ABCA9: variants seen among roughly 807,000 people sequenced by gnomAD.
ABCA9 encodes ATP binding cassette subfamily A member 9.
In ABCA9, 183 loss-of-function variants were observed where a neutral mutation model predicts 205.3. The observed-to-expected ratio is 0.89, with a 90% confidence interval of 0.79 to 1.01. The LOEUF (loss-of-function observed/expected upper bound fraction) is 1.01, where lower values mean the gene tolerates loss of function less well. Among genes scored for constraint, ABCA9 ranks in the 50% least tolerant of loss-of-function variants. The probability of loss-of-function intolerance (pLI) is 0.00; values close to 1 mark genes in which losing one functional copy is unlikely to be tolerated. For missense variants in ABCA9, 1,805 were observed against 1,912.4 expected (o/e 0.94, Z 1.05); for synonymous variants, 651 against 683.3 (o/e 0.95, Z 0.74).
intron 10 of ABCA9, among the ~76,000 whole-genome samples, chr17:69,030,810 T>C (rs551663331): frequency 6.5e-4 from 99 of 152,336 alleles, no homozygotes; most frequent in African/African-American, 2.3e-3. Context: ...CATGTTTAGA[T>C]TGTAGATTAT....
chr17:69,013,156 T>TTGTGAACA (rs1437785714), intron 22 of ABCA9, among the ~76,000 whole-genome samples: 1 of 152,102 alleles, frequency 6.6e-6, no homozygotes, highest in Non-Finnish European at 1.5e-5. Flanking sequence ...ATCTTGGCTA[T>TTGTGAACA]TGTGAACAGT....
chr17:68,975,230 C>A lies in ABCA9; in HGVS notation c.*685G>T, dbSNP rs910311334. The A allele has an allele frequency of 6.6e-6, 1 of 152,210 alleles. No individual in the cohort carries two copies. The highest frequency in any genetic ancestry group is 1.5e-5 in the Non-Finnish European group (1 of 68,080). The allele number at this position is 152,210 out of a possible 1,614,324, so 9.4% of individuals were successfully genotyped here. A position where few individuals can be genotyped will look rare whatever the true frequency, so the allele number is the denominator to read the frequency against. On this transcript the variant is annotated 3_prime_UTR_variant, in exon 39 of 39. Coordinates refer to ENST00000340001, the MANE Select transcript of ABCA9 (RefSeq NM_080283.4). ...AGTATTCCATGGTGTATATGTGTCA[C>A]GTTTTCTTTATCCGGTCTATCATTT...
the ABCA9 span, among the ~76,000 whole-genome samples, chr17:69,067,492 G>A: frequency 5.9e-3 from 890 of 151,356 alleles, 4 homozygotes; most frequent in Non-Finnish European, 7.5e-3. Context: ...GGAGGTGGAC[G>A]TTGCAGTGAG....
At chr17:69,059,482 A>G (rs1289936344) in intron 1 of ABCA9, among the ~76,000 whole-genome samples, 2 of 152,040 alleles carry the variant, frequency 1.3e-5, no homozygotes, top group Non-Finnish European at 2.9e-5. Context: ...ACCATGAACC[A>G]AAGAATGCAA....
intron 3 of ABCA9, among the ~76,000 whole-genome samples, chr17:69,046,892 T>C (rs1314864059): frequency 1.9e-5 from 2 of 107,848 alleles, no homozygotes; most frequent in Admixed American, 2.3e-4. Flanking sequence ...TATATATATA[T>C]ATATATATAT....
At chr17:69,043,297 G>A (rs970237705) in intron 6 of ABCA9, 192 bp downstream of exon 6, 3 of 525,124 alleles carry the variant, frequency 5.7e-6, no homozygotes, top group Non-Finnish European at 1.0e-5. Flanking sequence ...AATAGGGAGT[G>A]GCTGTAAATA....
chr17:69,053,791 C>T (rs1273523219), intron 1 of ABCA9, among the ~76,000 whole-genome samples: 1 of 151,778 alleles, frequency 6.6e-6, no homozygotes, highest in Non-Finnish European at 1.5e-5. Flanking sequence ...TGAGAATTTC[C>T]CCAGATAACG....
intron 13 of ABCA9, 58 bp from the exon 14 acceptor site, chr17:69,027,507 T>G: frequency 6.4e-7 from 1 of 1,574,572 alleles, no homozygotes; most frequent in Non-Finnish European, 8.6e-7. Context: ...AAAAACACTA[T>G]CATTTTTCTG....
chr17:69,043,268 C>A, intron 6 of ABCA9: 1 of 449,836 alleles, frequency 2.2e-6, no homozygotes, highest in East Asian at 3.7e-5. Context: ...GGAGGTGGAG[C>A]TCAGGTGGTA....
In ABCA9 at chr17:68,982,583, C is replaced by G. The variant is rs778791722; in HGVS notation, c.4699G>C (p.Ala1567Pro). The G allele has an allele frequency of 1.2e-6, 2 of 1,613,852 alleles. No individual in the cohort carries two copies. The highest frequency in any genetic ancestry group is 4.5e-5 in the East Asian group (2 of 44,898). The change falls in exon 37 of 39, where the codon GCT (alanine) becomes CCT (proline). Residue 1567 changes from alanine (A) to proline (P), a missense_variant. Ala to Pro is a conservative substitution (Grantham distance 27, BLOSUM62 -1). Transcript: ENST00000340001. ...PVEDVRPLSQ[A>P]FFKLEIVKQS... ...TTACCTATCTCTAATTTGAAGAAAG[C>G]CTGTGATAAAGGTCGCACATCCTCA...
chr17:68,980,928 T>TA (rs57616315), intron 37 of ABCA9, among the ~76,000 whole-genome samples: 7,380 of 126,400 alleles, frequency 0.058, 402 homozygotes, highest in African/African-American at 0.15. Flanking sequence ...ATAAAAAAAC[T>TA]AAAAAAAAAA....
chr17:69,011,758 TAGC>T, intron 23 of ABCA9: 1 of 428,702 alleles, frequency 2.3e-6, no homozygotes, highest in African/African-American at 2.0e-5. Flanking sequence ...CATTCCCTGT[TAGC>T]AGATGACATC....
At position 69,027,432 on chromosome 17, in the gene ABCA9, C is replaced by T. The variant is rs934394342; in HGVS notation, c.1809G>A (p.Gln603=). 1.3e-5 allele frequency: 21 copies of T among 1,612,196 alleles called. No homozygotes were observed. Among genetic ancestry groups the T allele is most frequent in the African/African-American group, 2.7e-5 (2 of 74,854 alleles). Residue 603 remains glutamine, a synonymous_variant, in exon 14 of 39, where the codon CAG becomes CAA. Transcript: ENST00000340001. ...CTTGAATATTTTCCATTTCTAATTC[C>T]TGTACAACTCGTTGTACCTAATCAA... ...EVEKEVQRVV[Q]ELEMENIQDI...
At chr17:69,067,307 G>A in the ABCA9 span, among the ~76,000 whole-genome samples, 14 of 151,896 alleles carry the variant, frequency 9.2e-5, no homozygotes, top group South Asian at 2.1e-4. Flanking sequence ...AGTACTTTGC[G>A]AGGCCAAGGT....
At chr17:69,006,358 T>C (rs564515566) in intron 25 of ABCA9, among the ~76,000 whole-genome samples, 3 of 152,342 alleles carry the variant, frequency 2.0e-5, no homozygotes, top group Admixed American at 6.5e-5. Context: ...GGCAGTGTTA[T>C]TTATAGCAGT....
rs367829476 is a variant in ABCA9 at position 68,995,924 on chromosome 17, A to G, written c.3526T>C (p.Leu1176=). 6.9e-5 allele frequency: 112 copies of G among 1,613,758 alleles called. No individual in the cohort carries two copies. The highest frequency in any genetic ancestry group is 8.5e-5 in the Non-Finnish European group (100 of 1,179,950). ...GAAAAAATGAATAGAGAGCCAATCAATGTGAAGGGAGGTATTAACATGGTG... is the reference window on the plus strand; with the variant it reads ...GAAAAAATGAATAGAGAGCCAATCAGTGTGAAGGGAGGTATTAACATGGTG... The part of the protein sequence containing the change: ...FGTMLIPPFT[L]IGSLFIFSEI... Residue 1176 remains leucine, a synonymous_variant, in exon 26 of 39, where the codon TTG becomes CTG. Coordinates refer to ENST00000340001, the MANE Select transcript of ABCA9 (RefSeq NM_080283.4).
chr17:68,992,149 A>G (rs2069472319), intron 28 of ABCA9, 26 bp downstream of exon 28: 2 of 1,467,084 alleles, frequency 1.4e-6, no homozygotes, highest in African/African-American at 1.4e-5. Context: ...AAAATGAAAC[A>G]TGAAATTCGA....
chr17:69,071,267 G>C, the ABCA9 span, among the ~76,000 whole-genome samples: 1 of 152,226 alleles, frequency 6.6e-6, no homozygotes, highest in South Asian at 2.1e-4. Context: ...CTACTCAAGT[G>C]AGTCCCTGAC....
intron 22 of ABCA9, 130 bp downstream of exon 22, chr17:69,016,123 T>TATATAC (rs1270372994): frequency 1.4e-3 from 146 of 106,892 alleles, no homozygotes; most frequent in African/African-American, 4.2e-3. Context: ...TATATATATA[T>TATATAC]ACACACACAC....
Sources: gnomAD v4.1 joint callset for allele counts (sites outside exome capture counted in the v4.1 genomes callset) on GRCh38, gnomAD v4.1.1 for gene constraint, MANE v1.5 for transcripts, NCBI Gene and HGNC (gene_info 2026-07-23, HGNC 2026-07-21) for gene names.